Variants in VAV2 observed in about 807,000 individuals in gnomAD.
VAV2 encodes the protein guanine nucleotide exchange factor VAV2.
In VAV2, 67 loss-of-function variants were observed where a neutral mutation model predicts 132.5. The ratio of observed to expected loss-of-function variants is 0.51; its 90% CI spans 0.42 to 0.62. The LOEUF is 0.62. Ranked by LOEUF, VAV2 falls within the 20% of genes least tolerant of loss-of-function variation. The pLI is 0.00. For missense variants in VAV2, 938 were observed against 1,153.6 expected (o/e 0.81, Z 2.71); for synonymous variants, 492 against 443.5 (o/e 1.11, Z -1.37).
At chr9:133,775,085 C>A in intron 24 of VAV2, 34 bp from the exon 25 acceptor site, 1 of 1,551,134 alleles carries the variant, frequency 6.4e-7, no homozygotes, top group South Asian at 1.2e-5. Flanking sequence ...ACGAGAGCCG[C>A]AGTGAGGACA....
intron 2 of VAV2, among the ~76,000 whole-genome samples, chr9:133,881,992 C>T (rs1180752848): frequency 6.6e-6 from 1 of 152,150 alleles, no homozygotes; most frequent in Non-Finnish European, 1.5e-5. Flanking sequence ...CAAAGGAGGG[C>T]GTCAAGGTTT....
chr9:133,818,657 G>A (rs1053815825), intron 4 of VAV2, among the ~76,000 whole-genome samples: 1 of 152,128 alleles, frequency 6.6e-6, no homozygotes, highest in African/African-American at 2.4e-5. Flanking sequence ...CTCCATAATT[G>A]CATAAGCCAA....
intron 1 of VAV2, among the ~76,000 whole-genome samples, chr9:133,973,637 G>A (rs916691367): frequency 2.6e-5 from 4 of 152,156 alleles, no homozygotes; most frequent in Non-Finnish European, 5.9e-5. Context: ...AAAATAACAC[G>A]ACACTCTCCC....
rs1836665213 is a variant in VAV2, at chr9:133,840,233, C to T, written c.381-5893G>A. 6.6e-6 allele frequency among the ~76,000 whole-genome samples: 1 copy of T among 152,182 alleles called. No homozygotes were observed. Among genetic ancestry groups the T allele is most frequent in the East Asian group, 1.9e-4 (1 of 5,198 alleles). ...TTCCTGAGCATGCATTTCCTCGTGC[C>T]CGGCTTCGGGAAGCAGAGTTTCCCA... On this transcript the variant is annotated intron_variant, in intron 3 of 29. Transcript: ENST00000371850. The surrounding 1 kb of genome is among the most constrained non-coding windows in gnomAD (Gnocchi z 4.5).
chr9:133,916,974 C>T (rs1840113848), intron 2 of VAV2, among the ~76,000 whole-genome samples: 1 of 152,158 alleles, frequency 6.6e-6, no homozygotes, highest in Non-Finnish European at 1.5e-5. Flanking sequence ...CAAAGAAACC[C>T]GGAGCTTTGG....
intron 4 of VAV2, among the ~76,000 whole-genome samples, chr9:133,825,726 C>A (rs1835962305): frequency 1.3e-5 from 2 of 152,160 alleles, no homozygotes; most frequent in South Asian, 4.1e-4. Context: ...GTTCCTCACT[C>A]CTTGTACCCC....
At position 133,840,575 on chromosome 9, in the gene VAV2, C is replaced by T. The variant is rs553969975; in HGVS notation, c.381-6235G>A. Among the ~76,000 whole-genome samples, 1 of 152,276 alleles carries T rather than the reference C, an allele frequency of 6.6e-6. No homozygotes were observed. Among genetic ancestry groups the T allele is most frequent in the South Asian group, 2.1e-4 (1 of 4,820 alleles). ...GGACACAGACCAGAAAACAGAACACCCTACAGGGGTGCCCAAACCCAAACC... is the reference window on the plus strand; with the variant it reads ...GGACACAGACCAGAAAACAGAACACTCTACAGGGGTGCCCAAACCCAAACC... On this transcript the variant is annotated intron_variant, in intron 3 of 29. Coordinates refer to ENST00000371850, the MANE Select transcript of VAV2 (RefSeq NM_001134398.2). This position sits in a 1 kb window ranked among gnomAD's most constrained non-coding sequence, Gnocchi z 4.5.
intron 2 of VAV2, among the ~76,000 whole-genome samples, chr9:133,888,561 C>CCACGT (rs1484970303): frequency 6.6e-6 from 1 of 152,156 alleles, no homozygotes; most frequent in Non-Finnish European, 1.5e-5. Context: ...TGTCCAGGAG[C>CCACGT]CACGTCACTC....
intron 9 of VAV2, among the ~76,000 whole-genome samples, chr9:133,805,343 A>G (rs1405419260): frequency 6.6e-6 from 1 of 152,176 alleles, no homozygotes; most frequent in Non-Finnish European, 1.5e-5. Context: ...AAGTTCAGGA[A>G]GCATTAGCAT....
At chr9:133,873,711 C>T (rs1057045011) in intron 2 of VAV2, among the ~76,000 whole-genome samples, 2 of 152,178 alleles carry the variant, frequency 1.3e-5, no homozygotes, top group African/African-American at 2.4e-5. Context: ...AGGAATCAGT[C>T]GGGGGTCAGG....
intron 2 of VAV2, among the ~76,000 whole-genome samples, chr9:133,930,497 C>T (rs2810515): frequency 0.87 from 132,039 of 151,800 alleles, 58,340 homozygotes; most frequent in East Asian, 0.97. Flanking sequence ...GCATCCTGGC[C>T]GTCTTCCGTG....
At chr9:133,779,493 T>A (rs1015266818) in intron 21 of VAV2, among the ~76,000 whole-genome samples, 1 of 152,254 alleles carries the variant, frequency 6.6e-6, no homozygotes, top group Non-Finnish European at 1.5e-5. Flanking sequence ...CTGCCTGGAC[T>A]GCACTCAAGT....
intron 1 of VAV2, among the ~76,000 whole-genome samples, chr9:133,971,278 T>C (rs1028463032): frequency 6.6e-6 from 1 of 152,104 alleles, no homozygotes; most frequent in Non-Finnish European, 1.5e-5. Flanking sequence ...GGCCCCTCGG[T>C]GTTTAACTGA....
intron 2 of VAV2, among the ~76,000 whole-genome samples, chr9:133,878,012 G>GC (rs1189918534): frequency 6.6e-6 from 1 of 152,140 alleles, no homozygotes; most frequent in Non-Finnish European, 1.5e-5. Context: ...AAAGCACTTG[G>GC]CCCCCCGACA....
intron 2 of VAV2, among the ~76,000 whole-genome samples, chr9:133,875,703 C>A (rs921136372): frequency 2.6e-5 from 4 of 152,200 alleles, no homozygotes; most frequent in Non-Finnish European, 5.9e-5. Flanking sequence ...GCGAGGCCCC[C>A]GCTCCAGTCC....
intron 1 of VAV2, among the ~76,000 whole-genome samples, chr9:133,942,582 CT>C (rs1841206196): frequency 6.6e-6 from 1 of 152,254 alleles, no homozygotes; most frequent in African/African-American, 2.4e-5. Context: ...TATGGCTTGT[CT>C]GTAATTTCCA....
At chr9:133,812,381 G>A (rs899579303) in intron 4 of VAV2, among the ~76,000 whole-genome samples, 165 bp from the exon 5 acceptor site, 5 of 152,254 alleles carry the variant, frequency 3.3e-5, no homozygotes, top group East Asian at 1.9e-4. Context: ...CCTGCAGGGC[G>A]TCTGTGGGTG....
intron 1 of VAV2, among the ~76,000 whole-genome samples, chr9:133,979,251 C>T (rs1333507039): frequency 6.6e-6 from 1 of 152,212 alleles, no homozygotes; most frequent in Non-Finnish European, 1.5e-5. Context: ...TTGGGAGGGG[C>T]TCCTAAAATA....
chr9:133,856,964 G>A (rs923395062), intron 3 of VAV2, among the ~76,000 whole-genome samples: 6 of 152,144 alleles, frequency 3.9e-5, no homozygotes, highest in African/African-American at 9.7e-5. Context: ...CAGGTGCTGC[G>A]CTGCACGATG....
Sources: allele counts gnomAD v4.1 joint callset (sites outside exome capture counted in the v4.1 genomes callset), GRCh38; gene constraint gnomAD v4.1.1; non-coding constraint Gnocchi (gnomAD v3.1); transcripts MANE v1.5; gene names NCBI Gene and HGNC (gene_info 2026-07-23, HGNC 2026-07-21).